The following ZNF658 variants were observed in gnomAD, a reference collection of about 807,000 sequenced individuals.
ZNF658 encodes zinc finger protein 658.
In ZNF658, 46 loss-of-function variants were observed where a neutral mutation model predicts 78.0. The observed-to-expected ratio is 0.59, with a 90% CI of 0.47 to 0.75. ZNF658 has a LOEUF of 0.75. Ranked by LOEUF, ZNF658 falls within the 30% of genes least tolerant of loss-of-function variation. The pLI, the probability that ZNF658 is intolerant of heterozygous loss-of-function variation, is 0.00. For synonymous variants in ZNF658, 279 were observed against 408.4 expected, an observed-to-expected ratio of 0.68 and a Z score of 3.82; for missense variants, 785 against 1,189.3, an observed-to-expected ratio of 0.66 and a Z score of 5.00.
chr9:66,914,830 G>A (rs954069678), intron 4 of ZNF658, among the ~76,000 whole-genome samples: 46 of 151,866 alleles, frequency 3.0e-4, no homozygotes, highest in African/African-American at 9.0e-4. Flanking sequence ...GGACATTTTT[G>A]CATTTATGTT....
At chr9:66,929,846 T>C (rs1457229539) in intron 6 of ZNF658, among the ~76,000 whole-genome samples, 1 of 128,056 alleles carries the variant, frequency 7.8e-6, no homozygotes, top group East Asian at 2.3e-4. Flanking sequence ...TGCAGTGGCA[T>C]GATCTCGGCT....
rs574247722 is a variant in ZNF658 at position 66,920,848 on chromosome 9, G to C, written c.*102G>C. The C allele has an allele frequency of 4.5e-6, 3 of 668,570 alleles. No homozygotes were observed. Among genetic ancestry groups the C allele is most frequent in the Non-Finnish European group, 2.7e-6 (1 of 370,436 alleles). The allele number at this position is 668,570 out of a possible 1,614,324, so 41.4% of individuals were successfully genotyped here. A position where few individuals can be genotyped will look rare whatever the true frequency, so the allele number is the denominator to read the frequency against. Reference sequence around the variant, plus strand: ...CATTTCCTTTTTCATTAGGCTCATAGTTTGTGGAAAAATCCCAATATGCCG... The same window carrying C: ...CATTTCCTTTTTCATTAGGCTCATACTTTGTGGAAAAATCCCAATATGCCG... On this transcript the variant is annotated 3_prime_UTR_variant, in exon 5 of 5. Coordinates refer to ENST00000621410, the MANE Select transcript of ZNF658 (RefSeq NM_033160.7).
At position 66,902,142 on chromosome 9, in the gene ZNF658, A is replaced by G. The variant is rs543808688; in HGVS notation, c.-45+1306A>G. Reference sequence around the variant, plus strand: ...GATAGCACATTTCTAGTGAATCTCAAGAGTCAGGTTTAGGGTATTAGGTGA... The same window carrying G: ...GATAGCACATTTCTAGTGAATCTCAGGAGTCAGGTTTAGGGTATTAGGTGA... On this transcript the variant is annotated intron_variant, in intron 1 of 4. Coordinates refer to ENST00000621410, the MANE Select transcript of ZNF658 (RefSeq NM_033160.7). Among the ~76,000 whole-genome samples, 18 of 150,694 alleles carry G rather than the reference A, an allele frequency of 1.2e-4. No individual in the cohort carries two copies. The East Asian group carries it at 3.0e-3, about 25-fold the overall frequency.
At chr9:66,928,112 AT>A (rs1822603307) in intron 6 of ZNF658, among the ~76,000 whole-genome samples, 1 of 105,802 alleles carries the variant, frequency 9.5e-6, no homozygotes. Context: ...TCAGAAGAAA[AT>A]AACTCTCAGC....
chr9:66,908,609 T>A (rs1408866452), intron 3 of ZNF658, 30 bp from the exon 4 acceptor site: 2 of 1,559,202 alleles, frequency 1.3e-6, no homozygotes, highest in Non-Finnish European at 1.7e-6. Context: ...AGCCTGTGAA[T>A]CTGGTCCATG....
rs912861278 is a variant in ZNF658, at chr9:66,910,782, C to T, written c.238+2048C>T. ...CTGCACTCCGGCCTGGGCAAAAGAG[C>T]GAGACTCAGTCCCAAAAAATTAAAA... On this transcript the variant is annotated intron_variant, in intron 4 of 4. Coordinates refer to ENST00000621410, the MANE Select transcript of ZNF658 (RefSeq NM_033160.7). Among the ~76,000 whole-genome samples, 13 of 133,122 alleles carry T rather than the reference C, an allele frequency of 9.8e-5. No homozygotes were observed. In the East Asian group the frequency reaches 1.3e-3, roughly 13 times the overall value. 87.3% of individuals were successfully genotyped at this position (133,122 alleles called of 152,430 possible).
In ZNF658 at chr9:66,920,455, GA is replaced by G. The variant is rs1341599138; in HGVS notation, c.2892del (p.Lys964AsnfsTer88). The G allele has an allele frequency of 2.5e-6, 4 of 1,605,620 alleles. No homozygotes were observed. In the South Asian group the frequency reaches 4.4e-5, roughly 18 times the overall value. On this transcript the variant is annotated frameshift_variant, in exon 5 of 5. Transcript: ENST00000621410. LOFTEE classifies it high-confidence loss of function. ...TACATCAAAGAATTCACACAGGGGA[GA>G]AATCCTATGAATGTAATGATTGTGG... ...RVHQRIHTGE[K>X]SYECNDCGKT...
intron 2 of ZNF658, among the ~76,000 whole-genome samples, chr9:66,907,059 AT>A (rs1215844910): frequency 1.3e-5 from 2 of 149,232 alleles, no homozygotes; most frequent in African/African-American, 4.9e-5. Context: ...TTCTGTTATT[AT>A]TTTTTGGAAA....
chr9:66,925,235 C>T (rs901826486), downstream of ZNF658, among the ~76,000 whole-genome samples: 5 of 147,680 alleles, frequency 3.4e-5, no homozygotes, highest in Non-Finnish European at 6.0e-5. Flanking sequence ...CAATATCTCT[C>T]ATGACATTAG....
chr9:66,915,227 G>A (rs569355484), intron 4 of ZNF658, among the ~76,000 whole-genome samples: 52 of 152,078 alleles, frequency 3.4e-4, no homozygotes, highest in African/African-American at 5.8e-4. Flanking sequence ...ATATGTTGTC[G>A]TAAATATCCT....
At chr9:66,915,126 C>T (rs1822306003) in intron 4 of ZNF658, among the ~76,000 whole-genome samples, 1 of 151,532 alleles carries the variant, frequency 6.6e-6, no homozygotes, top group African/African-American at 2.4e-5. Flanking sequence ...TCATTACATT[C>T]TTAAGCCTTA....
chr9:66,902,218 C>A (rs1266040384), intron 1 of ZNF658, among the ~76,000 whole-genome samples: 1 of 146,358 alleles, frequency 6.8e-6, no homozygotes, highest in Non-Finnish European at 1.5e-5. Flanking sequence ...CCCTCTGGAG[C>A]AAAGCAGCTC....
In ZNF658 at chr9:66,920,054, CA is replaced by C; in HGVS notation, c.2490del (p.Gln830HisfsTer222). 1.2e-6 allele frequency: 2 copies of C among 1,612,900 alleles called. No homozygotes were observed. The highest frequency in any genetic ancestry group is 1.7e-6 in the Non-Finnish European group (2 of 1,179,772). ...HTGEKPYECN[Q>X]CGKTFSQRTH... ...AGGGGAGAAACCCTATGAATGTAAC[CA>C]ATGTGGGAAAACTTTCTCCCAAAGA... On this transcript the variant is annotated frameshift_variant, in exon 5 of 5. Coordinates refer to ENST00000621410, the MANE Select transcript of ZNF658 (RefSeq NM_033160.7). LOFTEE classifies it high-confidence loss of function.
chr9:66,928,000 CAT>C (rs1564179429), intron 6 of ZNF658, among the ~76,000 whole-genome samples: 1 of 94,272 alleles, frequency 1.1e-5, no homozygotes, highest in African/African-American at 4.2e-5. Flanking sequence ...GAGTAGATCT[CAT>C]GTTATATTCT....
chr9:66,912,932 C>G (rs1437729877), intron 4 of ZNF658, among the ~76,000 whole-genome samples: 2 of 151,974 alleles, frequency 1.3e-5, no homozygotes. Flanking sequence ...CCTGTAATCC[C>G]AGCTGCTTGG....
chr9:66,910,280 A>G (rs7022725), intron 4 of ZNF658, among the ~76,000 whole-genome samples: 3,432 of 152,218 alleles, frequency 0.023, 76 homozygotes, highest in African/African-American at 0.063. Context: ...AGAAATCTTA[A>G]AAAGTTATAG....
chr9:66,925,745 G>A (rs1444588900), downstream of ZNF658, among the ~76,000 whole-genome samples: 1 of 151,878 alleles, frequency 6.6e-6, no homozygotes, highest in Non-Finnish European at 1.5e-5. Flanking sequence ...ATTTCACGAG[G>A]CCAGCATTAT....
intron 1 of ZNF658, chr9:66,902,903 T>C (rs1456249653): frequency 6.6e-6 from 1 of 152,016 alleles, no homozygotes; most frequent in Non-Finnish European, 1.5e-5. Flanking sequence ...TTTTTTCTAT[T>C]TTTAGTAGAG....
chr9:66,925,314 G>T (rs1318864132), downstream of ZNF658, among the ~76,000 whole-genome samples: 1 of 151,434 alleles, frequency 6.6e-6, no homozygotes, highest in Non-Finnish European at 1.5e-5. Flanking sequence ...AAGGACCAAG[G>T]GGGCTTATCC....
Sources: gnomAD v4.1 joint callset for allele counts (sites outside exome capture counted in the v4.1 genomes callset) on GRCh38, gnomAD v4.1.1 for gene constraint, MANE v1.5 for transcripts, NCBI Gene and HGNC (gene_info 2026-07-23, HGNC 2026-07-21) for gene names.